XRCC4: variants seen among roughly 807,000 people sequenced by gnomAD.
XRCC4 encodes the protein DNA repair protein XRCC4.
Under a neutral mutation model 39.1 loss-of-function variants are expected in XRCC4, and 28 were observed. That is an observed-to-expected ratio of 0.72 (90% confidence interval 0.53 to 0.98). XRCC4 has a LOEUF of 0.98. Ranked by LOEUF, XRCC4 falls within the 50% of genes least tolerant of loss-of-function variation. The pLI, the probability that XRCC4 is intolerant of heterozygous loss-of-function variation, is 0.00. For missense variants in XRCC4, 350 were observed against 376.4 expected (o/e 0.93, Z 0.58); for synonymous variants, 123 against 126.4 (o/e 0.97, Z 0.18).
intron 3 of XRCC4, among the ~76,000 whole-genome samples, chr5:83,183,689 T>G (rs1407646930): frequency 6.6e-6 from 1 of 152,180 alleles, no homozygotes; most frequent in Non-Finnish European, 1.5e-5. Context: ...TTTAAAGGGT[T>G]AGTGTAATAC....
At chr5:83,278,695 TC>T (rs1228045245) in intron 7 of XRCC4, among the ~76,000 whole-genome samples, 1 of 152,000 alleles carries the variant, frequency 6.6e-6, no homozygotes, top group African/African-American at 2.4e-5. Context: ...TTAAAAATAA[TC>T]AGTTTGAGGC....
chr5:83,369,078 CT>C, the XRCC4 span, among the ~76,000 whole-genome samples: 1 of 152,094 alleles, frequency 6.6e-6, no homozygotes, highest in South Asian at 2.1e-4. Context: ...ACTTGCATAA[CT>C]TCTTAGAAGT....
At chr5:83,320,391 A>T (rs557086534) in intron 7 of XRCC4, among the ~76,000 whole-genome samples, 33 of 137,000 alleles carry the variant, frequency 2.4e-4, no homozygotes, top group East Asian at 1.2e-3. Context: ...ATAAAAAAAT[A>T]AAAAAAAAAA....
rs181288524 is a variant in XRCC4 at position 83,178,146 on chromosome 5, G to A, written c.316-17624G>A. ...CAGATTTTAAATTGGGTTACTAGAT[G>A]GGTAGAGGTTTCGGTTACTGGGGGT... On this transcript the variant is annotated intron_variant, in intron 3 of 7. Transcript: ENST00000396027. Among the ~76,000 whole-genome samples, 178 of 152,236 alleles carry A rather than the reference G, an allele frequency of 1.2e-3. 1 individual carries two copies. The Middle Eastern group carries it at 0.014, about 12-fold the overall frequency.
chr5:83,111,807 G>A (rs1746458286), intron 3 of XRCC4, among the ~76,000 whole-genome samples: 1 of 151,986 alleles, frequency 6.6e-6, no homozygotes, highest in African/African-American at 2.4e-5. Context: ...TTAAAGTCTG[G>A]CACTAATTAT....
intron 7 of XRCC4, among the ~76,000 whole-genome samples, chr5:83,261,068 A>AT (rs548264554): frequency 1.7e-4 from 26 of 151,608 alleles, no homozygotes; most frequent in South Asian, 4.2e-4. Flanking sequence ...ATACTATAGG[A>AT]TTTTTTTTGC....
chr5:83,157,397 A>C (rs572197798), intron 3 of XRCC4, among the ~76,000 whole-genome samples: 64 of 152,200 alleles, frequency 4.2e-4, no homozygotes, highest in African/African-American at 1.4e-3. Context: ...AGAGTTTATA[A>C]TCAGTTTTTT....
intron 3 of XRCC4, among the ~76,000 whole-genome samples, chr5:83,183,533 A>T (rs1750300734): frequency 6.6e-6 from 1 of 151,692 alleles, no homozygotes; most frequent in African/African-American, 2.4e-5. Flanking sequence ...CTCTCAGGAA[A>T]AGCCATGTAA....
chr5:83,353,057 T>G (rs990422319), intron 7 of XRCC4, 74 bp from the exon 8 acceptor site: 2 of 1,173,956 alleles, frequency 1.7e-6, no homozygotes, highest in Non-Finnish European at 2.4e-6. Context: ...CACTTATGTG[T>G]CTCTTCATTT....
At chr5:83,171,005 C>G (rs541437339) in intron 3 of XRCC4, among the ~76,000 whole-genome samples, 1 of 152,064 alleles carries the variant, frequency 6.6e-6, no homozygotes, top group Non-Finnish European at 1.5e-5. Flanking sequence ...GGAAAAATCC[C>G]TATCTTGTTC....
At position 83,214,846 on chromosome 5, in the gene XRCC4, AAATAAT is replaced by A. The variant is rs1260907857; in HGVS notation, c.745+9934_745+9939del. On this transcript the variant is annotated intron_variant, in intron 6 of 7. Coordinates refer to ENST00000396027, the MANE Select transcript of XRCC4 (RefSeq NM_003401.5). Reference sequence around the variant, plus strand: ...AGCAAGACTCCTTCTCAAAAAAAAAAAATAATAATAATAAAAATACAGAATAAAGAA... The same window carrying A: ...AGCAAGACTCCTTCTCAAAAAAAAAAAATAATAAAAATACAGAATAAAGAA... 2.4e-5 allele frequency among the ~76,000 whole-genome samples: 3 copies of A among 125,382 alleles called. No individual in the cohort carries two copies. In the South Asian group the frequency reaches 7.7e-4, roughly 32 times the overall value. 82.3% of individuals were successfully genotyped at this position (125,382 alleles called of 152,430 possible). A position where few individuals can be genotyped will look rare whatever the true frequency, so the allele number is the denominator to read the frequency against.
chr5:83,251,950 A>G (rs1207194809), intron 6 of XRCC4, among the ~76,000 whole-genome samples: 2 of 152,234 alleles, frequency 1.3e-5, no homozygotes, highest in African/African-American at 2.4e-5. Flanking sequence ...CTGAGTAGCA[A>G]CTGATTTACA....
chr5:83,220,108 C>T (rs1752023609), intron 6 of XRCC4, among the ~76,000 whole-genome samples: 1 of 151,920 alleles, frequency 6.6e-6, no homozygotes, highest in East Asian at 1.9e-4. Flanking sequence ...AGTATTTTTA[C>T]CTAAGAAAGG....
At chr5:83,194,842 T>A (rs946508370) in intron 3 of XRCC4, among the ~76,000 whole-genome samples, 1 of 152,166 alleles carries the variant, frequency 6.6e-6, no homozygotes, top group Non-Finnish European at 1.5e-5. Context: ...CTTTACCCCT[T>A]CAATAACTTG....
intron 1 of XRCC4, among the ~76,000 whole-genome samples, chr5:83,095,064 C>G (rs10474081): frequency 0.37 from 56,072 of 151,868 alleles, 11,414 homozygotes; most frequent in South Asian, 0.51. Flanking sequence ...TACAGGTGTT[C>G]GTTGGCAGGG....
chr5:83,192,201 C>T (rs960855636), intron 3 of XRCC4, among the ~76,000 whole-genome samples: 10 of 145,218 alleles, frequency 6.9e-5, no homozygotes, highest in East Asian at 5.9e-4. Flanking sequence ...TGTATGTATA[C>T]GTATATATTA....
chr5:83,308,655 C>T (rs1755574034), intron 7 of XRCC4, among the ~76,000 whole-genome samples: 1 of 151,902 alleles, frequency 6.6e-6, no homozygotes, highest in Admixed American at 6.6e-5. Flanking sequence ...ACCTAACAAA[C>T]AGAAAAGGAT....
intron 7 of XRCC4, among the ~76,000 whole-genome samples, chr5:83,302,300 C>T (rs77398785): frequency 2.6e-4 from 39 of 152,198 alleles, no homozygotes; most frequent in Non-Finnish European, 5.1e-4. Flanking sequence ...ACATGACCAC[C>T]CAGTTTTATG....
chr5:83,198,835 C>T (rs1004991084), intron 4 of XRCC4, among the ~76,000 whole-genome samples: 2 of 152,080 alleles, frequency 1.3e-5, no homozygotes, highest in Non-Finnish European at 2.9e-5. Flanking sequence ...CAAGTGGCAT[C>T]AGTGGATTAA....
Sources: gnomAD v4.1 joint callset for allele counts (sites outside exome capture counted in the v4.1 genomes callset) on GRCh38, gnomAD v4.1.1 for gene constraint, MANE v1.5 for transcripts, NCBI Gene and HGNC (gene_info 2026-07-23, HGNC 2026-07-21) for gene names.